The following ACOT11 variants were observed in gnomAD, a reference collection of about 807,000 sequenced individuals.
The protein encoded by ACOT11 is acyl-CoA thioesterase 11.
In ACOT11, 69 loss-of-function variants were observed where a neutral mutation model predicts 77.5. The ratio of observed to expected loss-of-function variants is 0.89; its 90% CI spans 0.73 to 1.09. The LOEUF (loss-of-function observed/expected upper bound fraction) is 1.09. ACOT11 is among the 50% of genes least tolerant of loss of function. The probability of loss-of-function intolerance (pLI) is 0.00; values close to 1 mark genes in which losing one functional copy is unlikely to be tolerated. For missense variants in ACOT11, 766 were observed against 813.7 expected (o/e 0.94, Z 0.71); for synonymous variants, 279 against 313.0 (o/e 0.89, Z 1.15).
chr1:54,550,145 A>G (rs1277471183), intron 1 of ACOT11, among the ~76,000 whole-genome samples: 1 of 152,202 alleles, frequency 6.6e-6, no homozygotes, highest in Non-Finnish European at 1.5e-5. Flanking sequence ...ATTAGAACCC[A>G]GCAGTTTGGC....
At chr1:54,603,770 G>A (rs1270180296) in intron 10 of ACOT11, 101 bp from the exon 11 acceptor site, 15 of 1,128,008 alleles carry the variant, frequency 1.3e-5, no homozygotes, top group East Asian at 7.1e-5. Flanking sequence ...CCATTCTGCC[G>A]GGCTCAGCAC....
chr1:54,594,690 C>A lies in ACOT11; in HGVS notation c.606C>A (p.Gly202=). The change falls in exon 6 of 16, where the codon GGC becomes GGA. Residue 202 remains glycine, a splice_region_variant and synonymous_variant. Coordinates refer to ENST00000343744, the MANE Select transcript of ACOT11 (RefSeq NM_147161.4). ...TCCTGGCCAACTGCGCCATTCAGGG[C>A]GGTGAGCAGCTGCCAGCTGTGCATG... ...KDLLANCAIQ[G]DLESRDCSRM... The A allele has an allele frequency of 2.5e-6, 4 of 1,609,078 alleles. No individual in the cohort carries two copies. Among genetic ancestry groups the A allele is most frequent in the Non-Finnish European group, 3.4e-6 (4 of 1,176,652 alleles).
At chr1:54,572,152 C>T (rs1557651773) in intron 1 of ACOT11, among the ~76,000 whole-genome samples, 1 of 151,876 alleles carries the variant, frequency 6.6e-6, no homozygotes, top group South Asian at 2.1e-4. Context: ...TTTTCTCTCG[C>T]TCTGACCTCT....
At chr1:54,617,831 C>T (rs553101664) in intron 15 of ACOT11, among the ~76,000 whole-genome samples, 2 of 145,642 alleles carry the variant, frequency 1.4e-5, no homozygotes, top group East Asian at 4.2e-4. Context: ...TCAAGTGATT[C>T]TCCTGCCTCA....
chr1:54,580,002 A>G (rs1654247238), intron 1 of ACOT11, among the ~76,000 whole-genome samples: 1 of 152,204 alleles, frequency 6.6e-6, no homozygotes. Context: ...GTAAGCACTC[A>G]ATACATGTTA....
rs1444799812 is a variant in ACOT11 at position 54,593,154 on chromosome 1, TCAC to T, written c.372+551_372+553del. 5.3e-5 allele frequency among the ~76,000 whole-genome samples: 8 copies of T among 152,304 alleles called. 1 individual carries two copies. The highest frequency in any genetic ancestry group is 3.9e-4 in the East Asian group (2 of 5,182). On this transcript the variant is annotated intron_variant, in intron 4 of 15. Coordinates refer to ENST00000343744, the MANE Select transcript of ACOT11 (RefSeq NM_147161.4). ...CTATGGACTTCAGGCCCAGGCAACT[TCAC>T]CAGCTGGGCCAGTGGTTCCTGAGGG... is the stretch of plus-strand genomic sequence containing the variant.
chr1:54,601,062 C>T (rs1178352751), intron 8 of ACOT11, among the ~76,000 whole-genome samples: 1 of 151,970 alleles, frequency 6.6e-6, no homozygotes, highest in Admixed American at 6.6e-5. Context: ...GGAAGAACTG[C>T]AGGAGTGTAT....
At chr1:54,623,144 T>C in intron 15 of ACOT11, 1 of 633,234 alleles carries the variant, frequency 1.6e-6, no homozygotes, top group Non-Finnish European at 2.8e-6. Context: ...GCCATTGTAC[T>C]CCAGCCTGGG....
At chr1:54,597,984 A>G (rs1184197262) in intron 7 of ACOT11, 1 of 153,574 alleles carries the variant, frequency 6.5e-6, no homozygotes, top group Non-Finnish European at 1.4e-5. Flanking sequence ...AGTTATGGTA[A>G]CTGACCTTCA....
intron 15 of ACOT11, among the ~76,000 whole-genome samples, chr1:54,620,740 T>C (rs1309259536): frequency 6.7e-6 from 1 of 148,656 alleles, no homozygotes; most frequent in Non-Finnish European, 1.5e-5. Context: ...TCCCAGCTAC[T>C]CGGGAGGCTG....
intron 9 of ACOT11, among the ~76,000 whole-genome samples, chr1:54,601,888 C>T (rs572347325): frequency 3.3e-5 from 5 of 152,230 alleles, no homozygotes; most frequent in East Asian, 1.9e-4. Context: ...GTGAAAGCAA[C>T]GCAAGGGGCA....
chr1:54,616,403 G>A (rs762939921), intron 15 of ACOT11, among the ~76,000 whole-genome samples: 3 of 149,590 alleles, frequency 2.0e-5, no homozygotes, highest in South Asian at 2.1e-4. Context: ...TTGCTCTATC[G>A]CCCAGGCTGG....
At chr1:54,606,207 G>A (rs1444318154) in intron 13 of ACOT11, among the ~76,000 whole-genome samples, 1 of 152,180 alleles carries the variant, frequency 6.6e-6, no homozygotes, top group East Asian at 1.9e-4. Context: ...GAGGTGATTT[G>A]GTGGTGGATG....
intron 1 of ACOT11, among the ~76,000 whole-genome samples, chr1:54,580,219 T>A (rs1247651431): frequency 6.6e-6 from 1 of 152,188 alleles, no homozygotes; most frequent in Non-Finnish European, 1.5e-5. Context: ...CCAAGGCCTG[T>A]GCACAGCCTG....
chr1:54,605,269 T>G, intron 13 of ACOT11, 60 bp downstream of exon 13: 1 of 1,567,822 alleles, frequency 6.4e-7, no homozygotes, highest in Non-Finnish European at 8.6e-7. Flanking sequence ...AGGGAGAGAG[T>G]GTCTCCTTCT....
chr1:54,609,992 GT>G lies in ACOT11; in HGVS notation c.*881del. 6.5e-7 allele frequency: 1 copy of G among 1,550,330 alleles called. No individual in the cohort carries two copies. The highest frequency in any genetic ancestry group is 8.7e-7 in the Non-Finnish European group (1 of 1,153,058). ...TGTTTAGGATTTGGGTTATCATAAG[GT>G]GTTAAGAGTCCCTTGTTAAAGGGGC... On this transcript the variant is annotated 3_prime_UTR_variant, in exon 16 of 16. Coordinates refer to ENST00000343744, the MANE Select transcript of ACOT11 (RefSeq NM_147161.4).
chr1:54,567,097 C>G (rs1313578817), intron 1 of ACOT11, among the ~76,000 whole-genome samples: 1 of 152,060 alleles, frequency 6.6e-6, no homozygotes, highest in Non-Finnish European at 1.5e-5. Flanking sequence ...AGCCTCTTCT[C>G]CAGTGAGCTC....
At chr1:54,553,287 C>T (rs1015541778) in intron 1 of ACOT11, among the ~76,000 whole-genome samples, 6 of 150,768 alleles carry the variant, frequency 4.0e-5, no homozygotes, top group Admixed American at 6.6e-5. Flanking sequence ...AGGCCGAGGT[C>T]GGTGGATTAC....
At chr1:54,633,419 G>T (rs1384643992) in intron 16 of ACOT11, among the ~76,000 whole-genome samples, 4 of 152,196 alleles carry the variant, frequency 2.6e-5, no homozygotes, top group Non-Finnish European at 2.9e-5. Context: ...TTACAGCCAG[G>T]ATTGCCTTCT....
Sources: gnomAD v4.1 joint callset for allele counts (sites outside exome capture counted in the v4.1 genomes callset) on GRCh38, gnomAD v4.1.1 for gene constraint, MANE v1.5 for transcripts, NCBI Gene and HGNC (gene_info 2026-07-23, HGNC 2026-07-21) for gene names.